The following DPY19L3 variants were observed in gnomAD, a reference collection of about 807,000 sequenced individuals.
DPY19L3 encodes dpy-19 like C-mannosyltransferase 3, also known as protein C-mannosyl-transferase DPY19L3.
A neutral mutation model predicts 92.3 loss-of-function variants in DPY19L3; 51 were observed. The observed-to-expected ratio is 0.55, with a 90% confidence interval of 0.44 to 0.70. The LOEUF is 0.70. DPY19L3 is among the 30% of genes least tolerant of loss of function. The pLI, the probability that DPY19L3 is intolerant of heterozygous loss-of-function variation, is 0.00. For missense variants in DPY19L3, 706 were observed against 855.9 expected, an observed-to-expected ratio of 0.82 and a Z score of 2.18; for synonymous variants, 309 against 315.2, an observed-to-expected ratio of 0.98 and a Z score of 0.21.
At chr19:32,449,323 CTGT>C (rs755557841) in intron 8 of DPY19L3, among the ~76,000 whole-genome samples, 14 of 152,174 alleles carry the variant, frequency 9.2e-5, no homozygotes, top group Admixed American at 6.5e-5. Flanking sequence ...GGAATACTTA[CTGT>C]TGTTAAGATG....
rs527837201 is a variant in DPY19L3 at position 32,433,290 on chromosome 19, A to G, written c.328+484A>G. Among the ~76,000 whole-genome samples the G allele has an allele frequency of 3.3e-5, 5 of 152,282 alleles. No individual in the cohort carries two copies. In the South Asian group the frequency reaches 6.2e-4, roughly 19 times the overall value. Reference sequence around the variant, plus strand: ...TACTCCATCTAATGAAAGCCCCAACATGGATCTCTTCTACCTAGTACATAC... The same window carrying G: ...TACTCCATCTAATGAAAGCCCCAACGTGGATCTCTTCTACCTAGTACATAC... On this transcript the variant is annotated intron_variant, in intron 4 of 18. Transcript: ENST00000392250.
intron 16 of DPY19L3, among the ~76,000 whole-genome samples, chr19:32,470,948 T>A (rs760501434): frequency 4.4e-4 from 67 of 152,164 alleles, no homozygotes; most frequent in Non-Finnish European, 7.5e-4. Context: ...AAAATAAGCA[T>A]AAGTGGTGAT....
chr19:32,418,980 A>G (rs1007319136), intron 3 of DPY19L3, among the ~76,000 whole-genome samples: 1 of 152,084 alleles, frequency 6.6e-6, no homozygotes, highest in Non-Finnish European at 1.5e-5. Context: ...AGATATATCT[A>G]GTATCCTTTC....
intron 4 of DPY19L3, among the ~76,000 whole-genome samples, chr19:32,434,744 A>T (rs1599619261): frequency 6.6e-6 from 1 of 152,368 alleles, no homozygotes; most frequent in Non-Finnish European, 1.5e-5. Flanking sequence ...ACAATTCAGG[A>T]GGCTGGAAGT....
chr19:32,470,442 T>TC (rs1216994804), intron 16 of DPY19L3, among the ~76,000 whole-genome samples: 1 of 152,176 alleles, frequency 6.6e-6, no homozygotes, highest in East Asian at 1.9e-4. Flanking sequence ...TGGTGGGTCT[T>TC]CCGGATCTCC....
intron 8 of DPY19L3, 119 bp from the exon 9 acceptor site, chr19:32,453,026 C>G: frequency 8.3e-7 from 1 of 1,205,792 alleles, no homozygotes; most frequent in Non-Finnish European, 1.2e-6. Flanking sequence ...TTTCTTGAAT[C>G]TACATGTGTT....
In DPY19L3 at chr19:32,413,246, T is replaced by C. The variant is rs573228318; in HGVS notation, c.237+1874T>C. Reference sequence around the variant, plus strand: ...ACTGATGAAGGATCTGAAGACATTTTCCAAAGAAAGTTTTCCAAAACATTT... The same window carrying C: ...ACTGATGAAGGATCTGAAGACATTTCCCAAAGAAAGTTTTCCAAAACATTT... On this transcript the variant is annotated intron_variant, in intron 3 of 18. Transcript: ENST00000392250. 4.5e-4 allele frequency: 69 copies of C among 152,332 alleles called. 1 individual carries two copies. The highest frequency in any genetic ancestry group is 1.5e-3 in the African/African-American group (63 of 41,584). 9.4% of individuals were successfully genotyped at this position (152,332 alleles called of 1,614,324 possible).
intron 2 of DPY19L3, among the ~76,000 whole-genome samples, chr19:32,410,436 T>G (rs958906883): frequency 1.4e-4 from 21 of 152,096 alleles, no homozygotes; most frequent in Non-Finnish European, 2.9e-4. Flanking sequence ...ATTCTGTGGG[T>G]TTTTCCCCCC....
At chr19:32,435,381 T>G (rs962665925) in intron 4 of DPY19L3, among the ~76,000 whole-genome samples, 2 of 152,238 alleles carry the variant, frequency 1.3e-5, no homozygotes, top group Non-Finnish European at 2.9e-5. Context: ...CTGGGTTGTT[T>G]TGGATCAATC....
chr19:32,426,475 C>T lies in DPY19L3; in HGVS notation c.238-6241C>T, dbSNP rs898288138. On this transcript the variant is annotated intron_variant, in intron 3 of 18. Coordinates refer to ENST00000392250, the MANE Select transcript of DPY19L3 (RefSeq NM_001172774.2). ...CTCTCAACTTTCGACATGCTTTCCT[C>T]ACTAACTTATCATCTCTAGCTTTCC... 9.2e-5 allele frequency among the ~76,000 whole-genome samples: 14 copies of T among 152,190 alleles called. 1 individual carries two copies. The highest frequency in any genetic ancestry group is 2.4e-5 in the African/African-American group (1 of 41,458).
At chr19:32,449,873 A>G (rs1969641058) in intron 8 of DPY19L3, among the ~76,000 whole-genome samples, 1 of 152,188 alleles carries the variant, frequency 6.6e-6, no homozygotes, top group Admixed American at 6.5e-5. Flanking sequence ...TAGATACAAT[A>G]CCAAAAGCAC....
At chr19:32,479,094 G>T (rs1182967580) in intron 17 of DPY19L3, among the ~76,000 whole-genome samples, 2 of 152,168 alleles carry the variant, frequency 1.3e-5, no homozygotes, top group African/African-American at 4.8e-5. Flanking sequence ...CATGTTGGCG[G>T]TTGAAAAGTT....
chr19:32,409,010 T>A (rs1029834003), intron 2 of DPY19L3, among the ~76,000 whole-genome samples: 3 of 152,192 alleles, frequency 2.0e-5, no homozygotes, highest in Non-Finnish European at 4.4e-5. Context: ...CTGACAGAAT[T>A]TACATTATTT....
At chr19:32,458,596 T>A in intron 12 of DPY19L3, 87 bp downstream of exon 12, 1 of 1,347,114 alleles carries the variant, frequency 7.4e-7, no homozygotes, top group Non-Finnish European at 1.0e-6. Flanking sequence ...AGTCAGAATA[T>A]CAGACACAAG....
intron 15 of DPY19L3, chr19:32,468,323 C>G: frequency 1.0e-6 from 1 of 989,836 alleles, no homozygotes; most frequent in Non-Finnish European, 1.2e-6. Flanking sequence ...AGGATACATT[C>G]TACTTTTAGG....
At chr19:32,408,678 A>T (rs1205747967) in intron 2 of DPY19L3, among the ~76,000 whole-genome samples, 2 of 152,192 alleles carry the variant, frequency 1.3e-5, no homozygotes, top group African/African-American at 4.8e-5. Flanking sequence ...CTGGTCGTGT[A>T]TACTATTTAC....
In DPY19L3 at chr19:32,485,295, G is replaced by A. The variant is rs1354836020; in HGVS notation, c.*3055G>A. On this transcript the variant is annotated 3_prime_UTR_variant, in exon 19 of 19. Coordinates refer to ENST00000392250, the MANE Select transcript of DPY19L3 (RefSeq NM_001172774.2). ...CATTTGAAAAATAGGGATTCATTTC[G>A]AATATATTAGCCAGGAGCATAGTTA... 2 of 152,036 alleles carry A rather than the reference G, an allele frequency of 1.3e-5. No individual in the cohort carries two copies. Among genetic ancestry groups the A allele is most frequent in the Admixed American group, 6.6e-5 (1 of 15,264 alleles). The allele number at this position is 152,036 out of a possible 1,614,324, so 9.4% of individuals were successfully genotyped here.
At chr19:32,444,402 A>G (rs1324817009) in intron 8 of DPY19L3, among the ~76,000 whole-genome samples, 2 of 152,172 alleles carry the variant, frequency 1.3e-5, no homozygotes, top group African/African-American at 4.8e-5. Context: ...GAAATTACCT[A>G]ATCTGAACAA....
At chr19:32,409,543 A>G (rs913180556) in intron 2 of DPY19L3, among the ~76,000 whole-genome samples, 2 of 152,182 alleles carry the variant, frequency 1.3e-5, no homozygotes, top group African/African-American at 4.8e-5. Context: ...TTCTGTTGCT[A>G]TAAAGGAATA....
Sources: allele counts gnomAD v4.1 joint callset (sites outside exome capture counted in the v4.1 genomes callset), GRCh38; gene constraint gnomAD v4.1.1; transcripts MANE v1.5; gene names NCBI Gene and HGNC (gene_info 2026-07-23, HGNC 2026-07-21).